LRRC37A3: variants seen among roughly 807,000 people sequenced by gnomAD.
The protein encoded by LRRC37A3 is leucine-rich repeat-containing protein 37A3.
A neutral mutation model predicts 106.2 loss-of-function variants in LRRC37A3; 25 were observed. That is an observed-to-expected ratio of 0.24 (90% CI 0.17 to 0.33). The LOEUF is 0.33. Among genes scored for constraint, LRRC37A3 ranks in the 10% least tolerant of loss-of-function variants. LRRC37A3 has a pLI of 1.00. For missense variants in LRRC37A3, 712 were observed against 1,644.9 expected (o/e 0.43, Z 9.81); for synonymous variants, 305 against 635.8 (o/e 0.48, Z 7.83).
chr17:64,866,583 CACGTACATATATATATATATAT>C (rs1973082805), intron 10 of LRRC37A3, among the ~76,000 whole-genome samples: 1 of 69,622 alleles, frequency 1.4e-5, no homozygotes, highest in African/African-American at 8.5e-5. Flanking sequence ...TACATATATA[CACGTACATATATATATATATAT>C]ATATATATAT....
intron 2 of LRRC37A3, among the ~76,000 whole-genome samples, chr17:64,904,068 G>A (rs1974390640): frequency 6.6e-6 from 1 of 151,310 alleles, no homozygotes; most frequent in South Asian, 2.1e-4. Context: ...GAACCTGGGA[G>A]GTGGAGGTTG....
intron 8 of LRRC37A3, chr17:64,877,052 C>T (rs891818134): frequency 5.9e-5 from 9 of 152,202 alleles, no homozygotes; most frequent in African/African-American, 2.2e-4. Context: ...CCAAATTGAT[C>T]TATGGTTTCA....
At chr17:64,868,423 C>T in intron 10 of LRRC37A3, 39 bp downstream of exon 10, 1 of 1,606,706 alleles carries the variant, frequency 6.2e-7, no homozygotes, top group Non-Finnish European at 8.5e-7. Context: ...CCTAAAGAAA[C>T]AACTACGTAA....
intron 11 of LRRC37A3, among the ~76,000 whole-genome samples, chr17:64,862,628 G>A (rs1972914362): frequency 6.6e-6 from 1 of 152,088 alleles, no homozygotes; most frequent in Non-Finnish European, 1.5e-5. Flanking sequence ...TATACAGTGT[G>A]TGGATGTTAA....
At chr17:64,863,283 T>A (rs1276650279) in intron 10 of LRRC37A3, 2 of 476,068 alleles carry the variant, frequency 4.2e-6, no homozygotes, top group Non-Finnish European at 7.6e-6. Context: ...TTCAGAAGTA[T>A]CTCTTCCCAA....
intron 13 of LRRC37A3, 54 bp downstream of exon 13, chr17:64,858,725 T>C: frequency 7.3e-7 from 1 of 1,363,352 alleles, no homozygotes. Context: ...GAGCTCTGAA[T>C]CCACACAAAG....
At chr17:64,899,387 T>C in intron 2 of LRRC37A3, among the ~76,000 whole-genome samples, 1 of 142,886 alleles carries the variant, frequency 7.0e-6, no homozygotes, top group Middle Eastern at 3.7e-3. Context: ...ACCACTGCAC[T>C]CCAGCCTGGA....
chr17:64,862,200 G>GTAT (rs1972900560), intron 11 of LRRC37A3, among the ~76,000 whole-genome samples: 1 of 152,038 alleles, frequency 6.6e-6, no homozygotes, highest in Non-Finnish European at 1.5e-5. Context: ...GTAGATACCT[G>GTAT]TATTCAAGCT....
In LRRC37A3 at chr17:64,862,884, T is replaced by C. The variant is rs1446261556; in HGVS notation, c.3172+16A>G. 3.9e-5 allele frequency: 63 copies of C among 1,599,008 alleles called. No individual in the cohort carries two copies. The highest frequency in any genetic ancestry group is 2.5e-4 in the African/African-American group (19 of 74,892). On this transcript the variant is annotated intron_variant, in intron 11 of 14. Transcript: ENST00000584306. ...TACTTAATGTAACAATTTATCACCA[T>C]GCAATTTGGACTCACGACAATGTGT...
intron 8 of LRRC37A3, among the ~76,000 whole-genome samples, chr17:64,870,033 G>C (rs1314046962): frequency 6.7e-6 from 1 of 148,830 alleles, no homozygotes; most frequent in East Asian, 2.0e-4. Flanking sequence ...GTAATCACCT[G>C]TCCACTTGTC....
intron 10 of LRRC37A3, among the ~76,000 whole-genome samples, chr17:64,866,120 G>T (rs929088572): frequency 6.6e-6 from 1 of 151,746 alleles, no homozygotes; most frequent in African/African-American, 2.4e-5. Flanking sequence ...TATGGCCTTG[G>T]TGACAAATCA....
At chr17:64,862,774 C>T in intron 11 of LRRC37A3, 126 bp downstream of exon 11, 1 of 1,232,486 alleles carries the variant, frequency 8.1e-7, no homozygotes, top group Admixed American at 1.9e-5. Flanking sequence ...GGGAGTTTAA[C>T]TCTGAATGAG....
chr17:64,858,669 T>C (rs1972763319), intron 13 of LRRC37A3, 110 bp downstream of exon 13: 1 of 809,716 alleles, frequency 1.2e-6, no homozygotes, highest in South Asian at 1.4e-5. Flanking sequence ...GACTGAAGTA[T>C]GTCAAGTAGC....
intron 1 of LRRC37A3, 138 bp downstream of exon 1, chr17:64,919,293 C>A (rs1974778323): frequency 1.3e-6 from 1 of 757,320 alleles, no homozygotes; most frequent in East Asian, 3.7e-5. Context: ...GGGAAAGCGG[C>A]CGGGAAGGGG....
At chr17:64,870,427 A>C (rs1973274033) in intron 8 of LRRC37A3, among the ~76,000 whole-genome samples, 1 of 152,230 alleles carries the variant, frequency 6.6e-6, no homozygotes, top group South Asian at 2.1e-4. Context: ...TAAGGTGAAC[A>C]AGAAAAATAA....
chr17:64,890,571 C>A (rs1310363436), intron 5 of LRRC37A3, among the ~76,000 whole-genome samples: 1 of 101,620 alleles, frequency 9.8e-6, no homozygotes, highest in Admixed American at 9.8e-5. Flanking sequence ...GTGGCTCATG[C>A]CTGTAATCCC....
chr17:64,873,713 A>C (rs2143466274), intron 8 of LRRC37A3, among the ~76,000 whole-genome samples: 1 of 151,442 alleles, frequency 6.6e-6, no homozygotes, highest in East Asian at 1.9e-4. Flanking sequence ...AGAATGGGGA[A>C]CTTGAAGGTT....
intron 2 of LRRC37A3, among the ~76,000 whole-genome samples, chr17:64,913,336 G>GTTTTTTTT (rs1567788647): frequency 2.4e-5 from 3 of 125,410 alleles, no homozygotes. Context: ...GCCTATTTTG[G>GTTTTTTTT]GTTTTTTTTT....
chr17:64,860,452 A>G lies in LRRC37A3; in HGVS notation c.3694T>C (p.Tyr1232His). ...GPEKLAGNAVYTKPSFTQEHK... is the reference protein window; with the variant it reads ...GPEKLAGNAVHTKPSFTQEHK... ...TCTTGGGTGAACGAAGGCTTGGTGTAGACGGCGTTTCCCGCTAACTTCTCA... is the reference window on the plus strand; with the variant it reads ...TCTTGGGTGAACGAAGGCTTGGTGTGGACGGCGTTTCCCGCTAACTTCTCA... The change falls in exon 12 of 15, where the codon TAC (tyrosine) becomes CAC (histidine). Residue 1232 changes from tyrosine (Y) to histidine (H), a missense_variant. Physicochemically the swap from Tyr to His is moderately conservative, Grantham distance 83. Transcript: ENST00000584306. 2 of 1,613,838 alleles carry G rather than the reference A, an allele frequency of 1.2e-6. No homozygotes were observed. Among genetic ancestry groups the G allele is most frequent in the South Asian group, 1.1e-5 (1 of 91,062 alleles).
Sources: gnomAD v4.1 joint callset for allele counts (sites outside exome capture counted in the v4.1 genomes callset) on GRCh38, gnomAD v4.1.1 for gene constraint, MANE v1.5 for transcripts, NCBI Gene and HGNC (gene_info 2026-07-23, HGNC 2026-07-21) for gene names.